Variants in RAB3C observed in about 807,000 individuals in gnomAD.
RAB3C encodes the protein RAB3C, member RAS oncogene family.
A neutral mutation model predicts 26.4 loss-of-function variants in RAB3C; 17 were observed. That is an observed-to-expected ratio of 0.64 (90% confidence interval 0.44 to 0.97). The LOEUF is 0.97. RAB3C is among the 50% of genes least tolerant of loss of function. The pLI, the probability that RAB3C is intolerant of heterozygous loss-of-function variation, is 0.00. For synonymous variants in RAB3C, 91 were observed against 95.9 expected (o/e 0.95, Z 0.30); for missense variants, 242 against 281.9 (o/e 0.86, Z 1.01).
intron 4 of RAB3C, among the ~76,000 whole-genome samples, chr5:58,838,539 T>C (rs945662194): frequency 2.0e-5 from 3 of 152,228 alleles, no homozygotes; most frequent in African/African-American, 7.2e-5. Context: ...TTTTGTTTTA[T>C]TGTGGTCAGG....
At chr5:58,759,364 A>T (rs1741744859) in intron 3 of RAB3C, among the ~76,000 whole-genome samples, 1 of 152,192 alleles carries the variant, frequency 6.6e-6, no homozygotes, top group African/African-American at 2.4e-5. Flanking sequence ...ATCCAGGTGC[A>T]TGCAATAGGT....
At position 58,604,703 on chromosome 5, in the gene RAB3C, G is replaced by T. The variant is rs1054923153; in HGVS notation, c.25-12940G>T. On this transcript the variant is annotated intron_variant, in intron 1 of 4. Transcript: ENST00000282878. The stretch of plus-strand genomic sequence containing the variant: ...TGTTTCCAGGTGGAGGGCAAGATGG[G>T]CTTGAAAACTTGCCCGAGGCTGTCT... Among the ~76,000 whole-genome samples the T allele has an allele frequency of 1.1e-4, 16 of 152,304 alleles. No homozygotes were observed. The South Asian group carries it at 3.1e-3, about 30-fold the overall frequency.
At chr5:58,823,261 C>T (rs1231357024) in intron 3 of RAB3C, 3 of 242,876 alleles carry the variant, frequency 1.2e-5, no homozygotes, top group African/African-American at 6.8e-5. Flanking sequence ...CACGGTGGCT[C>T]ACAGTCCCAG....
rs978816908 is a variant in RAB3C, at chr5:58,638,727, G to A, written c.252+20857G>A. ...TTATATGTCACCTCGGGCACTGAAC[G>A]TATGCAAGCTGTATATGGATCACTG... On this transcript the variant is annotated intron_variant, in intron 2 of 4. Transcript: ENST00000282878. 7.2e-5 allele frequency among the ~76,000 whole-genome samples: 11 copies of A among 152,300 alleles called. No individual in the cohort carries two copies. In the South Asian group the frequency reaches 1.2e-3, roughly 17 times the overall value.
At chr5:58,736,676 G>A (rs1276123783) in intron 3 of RAB3C, among the ~76,000 whole-genome samples, 1 of 152,072 alleles carries the variant, frequency 6.6e-6, no homozygotes, top group Non-Finnish European at 1.5e-5. Flanking sequence ...CTTTTTATAA[G>A]GACATAGTCA....
intron 3 of RAB3C, among the ~76,000 whole-genome samples, chr5:58,795,158 T>C (rs969802788): frequency 1.3e-5 from 2 of 152,224 alleles, no homozygotes; most frequent in African/African-American, 4.8e-5. Flanking sequence ...CTACACATGC[T>C]CTCTTTGCCT....
At chr5:58,632,059 A>C (rs898040085) in intron 2 of RAB3C, among the ~76,000 whole-genome samples, 4 of 152,234 alleles carry the variant, frequency 2.6e-5, no homozygotes, top group Non-Finnish European at 5.9e-5. Context: ...GAGACCTTTC[A>C]GCCTGGCCTT....
At chr5:58,699,513 GA>G (rs1004606623) in intron 2 of RAB3C, among the ~76,000 whole-genome samples, 3 of 152,218 alleles carry the variant, frequency 2.0e-5, no homozygotes, top group African/African-American at 7.2e-5. Context: ...GTCAGACAGG[GA>G]AGTTTATGTC....
intron 4 of RAB3C, among the ~76,000 whole-genome samples, chr5:58,844,604 C>A (rs1388401090): frequency 6.6e-6 from 1 of 152,202 alleles, no homozygotes; most frequent in Non-Finnish European, 1.5e-5. Context: ...GCAGAATGAC[C>A]TTTCCTTGCA....
chr5:58,644,132 T>C (rs1488147204), intron 2 of RAB3C, among the ~76,000 whole-genome samples: 2 of 152,170 alleles, frequency 1.3e-5, no homozygotes, highest in Admixed American at 6.5e-5. Flanking sequence ...GCAATACTGG[T>C]TTTATTTTCC....
intron 1 of RAB3C, among the ~76,000 whole-genome samples, chr5:58,599,982 G>A (rs371229612): frequency 5.3e-4 from 81 of 152,174 alleles, no homozygotes; most frequent in African/African-American, 1.8e-3. Context: ...ATAGTTTCAC[G>A]TCTTAGGTTT....
chr5:58,726,271 G>A, intron 3 of RAB3C, 151 bp downstream of exon 3: 1 of 478,000 alleles, frequency 2.1e-6, no homozygotes, highest in African/African-American at 2.0e-5. Context: ...AAAAAATGCT[G>A]TTTATGCACA....
At chr5:58,649,008 G>A (rs531155138) in intron 2 of RAB3C, among the ~76,000 whole-genome samples, 175 of 152,278 alleles carry the variant, frequency 1.1e-3, no homozygotes, top group African/African-American at 3.8e-3. Context: ...CCAAACATCA[G>A]TTTCCTTCAC....
chr5:58,629,545 G>T (rs1747144669), intron 2 of RAB3C, among the ~76,000 whole-genome samples: 1 of 152,180 alleles, frequency 6.6e-6, no homozygotes, highest in African/African-American at 2.4e-5. Context: ...CCAGCCAAAT[G>T]AGAATAGGCT....
chr5:58,856,580 T>G lies in RAB3C; in HGVS notation c.*5229T>G, dbSNP rs530955000. 2 of 152,228 alleles carry G rather than the reference T, an allele frequency of 1.3e-5. No individual in the cohort carries two copies. Among genetic ancestry groups the G allele is most frequent in the Admixed American group, 1.3e-4 (2 of 15,284 alleles). 9.4% of individuals were successfully genotyped at this position (152,228 alleles called of 1,614,324 possible). On this transcript the variant is annotated 3_prime_UTR_variant, in exon 5 of 5. Coordinates refer to ENST00000282878, the MANE Select transcript of RAB3C (RefSeq NM_138453.4). The stretch of plus-strand genomic sequence containing the variant: ...TGCTGAAATGAGGTTTGAGGTTACC[T>G]GTGTATTTCATTCACCTGTGTTAAT...
intron 2 of RAB3C, among the ~76,000 whole-genome samples, chr5:58,640,449 C>A (rs1426959536): frequency 6.6e-6 from 1 of 152,152 alleles, no homozygotes; most frequent in East Asian, 1.9e-4. Context: ...ATTATTCAGA[C>A]TATATTATTT....
At chr5:58,787,640 C>T (rs1244003035) in intron 3 of RAB3C, among the ~76,000 whole-genome samples, 3 of 152,270 alleles carry the variant, frequency 2.0e-5, no homozygotes, top group South Asian at 2.1e-4. Flanking sequence ...ATCTGCCAGC[C>T]TCACTGGGCT....
At chr5:58,665,977 C>T (rs986102786) in intron 2 of RAB3C, among the ~76,000 whole-genome samples, 6 of 152,046 alleles carry the variant, frequency 3.9e-5, no homozygotes, top group Non-Finnish European at 5.9e-5. Context: ...TCATGAAGGC[C>T]AATACACTGC....
At chr5:58,848,902 T>C (rs927387796) in intron 4 of RAB3C, among the ~76,000 whole-genome samples, 3 of 152,196 alleles carry the variant, frequency 2.0e-5, no homozygotes, top group Non-Finnish European at 4.4e-5. Flanking sequence ...TGTCTCCTTC[T>C]CAGCATGCTG....
Sources: allele counts gnomAD v4.1 joint callset (sites outside exome capture counted in the v4.1 genomes callset), GRCh38; gene constraint gnomAD v4.1.1; transcripts MANE v1.5; gene names NCBI Gene and HGNC (gene_info 2026-07-23, HGNC 2026-07-21).